RGS6: variants seen among roughly 807,000 people sequenced by gnomAD.
The protein encoded by RGS6 is regulator of G-protein signaling 6.
In RGS6, 30 loss-of-function variants were observed where a neutral mutation model predicts 78.5. The ratio of observed to expected loss-of-function variants is 0.38; its 90% CI spans 0.29 to 0.52. The LOEUF (loss-of-function observed/expected upper bound fraction) is 0.52, where lower values mean the gene tolerates loss of function less well. Ranked by LOEUF, RGS6 falls within the 20% of genes least tolerant of loss-of-function variation. The probability of loss-of-function intolerance (pLI) is 0.85; values close to 1 mark genes in which losing one functional copy is unlikely to be tolerated. For synonymous variants in RGS6, 206 were observed against 206.0 expected (o/e 1.00, Z 0.00); for missense variants, 495 against 609.7 (o/e 0.81, Z 1.98).
chr14:72,310,396 G>C (rs1307367578), intron 2 of RGS6, among the ~76,000 whole-genome samples: 1 of 152,180 alleles, frequency 6.6e-6, no homozygotes, highest in Non-Finnish European at 1.5e-5. Flanking sequence ...TGTCTTTCTG[G>C]AGTGAGCCGA....
At chr14:72,274,233 G>A (rs1457394899) in intron 2 of RGS6, among the ~76,000 whole-genome samples, 1 of 152,178 alleles carries the variant, frequency 6.6e-6, no homozygotes, top group Non-Finnish European at 1.5e-5. Context: ...ATTGGCTCCG[G>A]AAATAGCTTT....
At chr14:72,078,267 C>G (rs916817885) in intron 2 of RGS6, among the ~76,000 whole-genome samples, 1 of 152,158 alleles carries the variant, frequency 6.6e-6, no homozygotes, top group Non-Finnish European at 1.5e-5. Flanking sequence ...TCCCCTTTGT[C>G]TTTTGCCATA....
chr14:72,563,151 T>A lies in RGS6; in HGVS notation c.*684T>A, dbSNP rs1419232836. ...CGCCAGCCCGGTGGCTGCCCTCAGG[T>A]CCCGTCACATGTCTCAAGGGTCCAG... is the stretch of plus-strand genomic sequence containing the variant. On this transcript the variant is annotated 3_prime_UTR_variant, in exon 18 of 18. Coordinates refer to ENST00000553525, the MANE Select transcript of RGS6 (RefSeq NM_001204424.2). The A allele has an allele frequency of 3.8e-6, 1 of 264,208 alleles. No individual in the cohort carries two copies. Among genetic ancestry groups the A allele is most frequent in the Non-Finnish European group, 7.5e-6 (1 of 133,286 alleles). 16.4% of individuals were successfully genotyped at this position (264,208 alleles called of 1,614,324 possible).
chr14:72,462,890 G>A (rs2095817437), intron 6 of RGS6, among the ~76,000 whole-genome samples: 1 of 152,158 alleles, frequency 6.6e-6, no homozygotes, highest in Admixed American at 6.6e-5. Context: ...GAAAGTATGA[G>A]GAAAATAGAG....
chr14:72,215,145 TG>T (rs985780239), intron 2 of RGS6, among the ~76,000 whole-genome samples: 12 of 152,234 alleles, frequency 7.9e-5, no homozygotes, highest in Admixed American at 7.9e-4. Flanking sequence ...CTTCCATTAC[TG>T]ATTTCAATAC....
At chr14:71,868,473 T>G in the RGS6 span, among the ~76,000 whole-genome samples, 2 of 152,188 alleles carry the variant, frequency 1.3e-5, no homozygotes, top group Non-Finnish European at 2.9e-5. Context: ...TTCCTCTTCA[T>G]TAAACCAATT....
At chr14:72,124,779 A>G (rs368683092) in intron 2 of RGS6, among the ~76,000 whole-genome samples, 1 of 152,184 alleles carries the variant, frequency 6.6e-6, no homozygotes, top group African/African-American at 2.4e-5. Context: ...CTCAATTTAC[A>G]TAAAAGTATC....
intron 17 of RGS6, chr14:72,550,435 T>C: frequency 6.5e-7 from 1 of 1,530,262 alleles, no homozygotes; most frequent in Admixed American, 2.0e-5. Context: ...CAAGTACATC[T>C]GAGCCCCCGT....
rs536375674 is a variant in RGS6 at position 72,290,226 on chromosome 14, G to A, written c.85-61869G>A. On this transcript the variant is annotated intron_variant, in intron 2 of 17. Transcript: ENST00000553525. The stretch of plus-strand genomic sequence containing the variant: ...TCTCCGAGTTCAAGCGTTACACCCA[G>A]TATGCTGCATAAACCCTATTCAGTG... Among the ~76,000 whole-genome samples the A allele has an allele frequency of 1.1e-4, 16 of 152,348 alleles. No homozygotes were observed. In the South Asian group the frequency reaches 3.3e-3, roughly 32 times the overall value.
intron 2 of RGS6, among the ~76,000 whole-genome samples, chr14:72,178,527 C>A (rs2097134860): frequency 6.6e-6 from 1 of 152,206 alleles, no homozygotes; most frequent in Admixed American, 6.5e-5. Context: ...GTTTAGCTAT[C>A]TTAATAAAGA....
At chr14:71,955,622 G>A (rs1357615584) in intron 1 of RGS6, among the ~76,000 whole-genome samples, 4 of 152,144 alleles carry the variant, frequency 2.6e-5, no homozygotes, top group Admixed American at 6.5e-5. Flanking sequence ...TTTATAAACT[G>A]TCATGGCGCT....
At chr14:72,097,533 C>T (rs1012936649) in intron 2 of RGS6, among the ~76,000 whole-genome samples, 1 of 152,104 alleles carries the variant, frequency 6.6e-6, no homozygotes, top group Non-Finnish European at 1.5e-5. Flanking sequence ...TCCTGTCTTG[C>T]TAAGAAACAG....
At chr14:72,365,675 C>T (rs978145815) in intron 3 of RGS6, among the ~76,000 whole-genome samples, 4 of 152,184 alleles carry the variant, frequency 2.6e-5, no homozygotes, top group African/African-American at 9.6e-5. Flanking sequence ...TGTTTCTCTT[C>T]TTTGTCTTTC....
intron 2 of RGS6, among the ~76,000 whole-genome samples, chr14:72,239,074 A>G (rs1258832700): frequency 6.6e-6 from 1 of 152,214 alleles, no homozygotes; most frequent in African/African-American, 2.4e-5. Flanking sequence ...TTATTTAAAA[A>G]GGCTTTAGAA....
At chr14:72,435,854 A>G (rs1262560146) in intron 3 of RGS6, among the ~76,000 whole-genome samples, 20 of 151,214 alleles carry the variant, frequency 1.3e-4, no homozygotes, top group Non-Finnish European at 2.9e-4. Context: ...CCACATGGAT[A>G]ATCTCTCCAT....
intron 1 of RGS6, among the ~76,000 whole-genome samples, chr14:71,947,828 AGATTACCATGTTGTTGG>A (rs1360962573): frequency 1.4e-4 from 21 of 152,324 alleles, no homozygotes; most frequent in Admixed American, 9.1e-4. Flanking sequence ...TCTGTAGTTG[AGATTACCATGTTGTTGG>A]GTATATGAAG....
At chr14:72,477,177 A>G (rs1412151701) in intron 11 of RGS6, 1 of 254,454 alleles carries the variant, frequency 3.9e-6, no homozygotes, top group African/African-American at 2.3e-5. Context: ...TATAATTGGA[A>G]TGCACCAGCT....
chr14:72,331,292 T>G (rs921543129), intron 2 of RGS6, among the ~76,000 whole-genome samples: 1 of 152,090 alleles, frequency 6.6e-6, no homozygotes, highest in Non-Finnish European at 1.5e-5. Context: ...TTGAACACTT[T>G]CCTTACAGTG....
chr14:72,371,591 GTC>G (rs1023572166), intron 3 of RGS6, among the ~76,000 whole-genome samples: 1 of 151,962 alleles, frequency 6.6e-6, no homozygotes, highest in Non-Finnish European at 1.5e-5. Flanking sequence ...GAGAAACCCC[GTC>G]TCTACTAAAG....
Sources: gnomAD v4.1 joint callset for allele counts (sites outside exome capture counted in the v4.1 genomes callset) on GRCh38, gnomAD v4.1.1 for gene constraint, MANE v1.5 for transcripts, NCBI Gene and HGNC (gene_info 2026-07-23, HGNC 2026-07-21) for gene names.